DRC8: variants seen among roughly 807,000 people sequenced by gnomAD.
The protein encoded by DRC8 is dynein regulatory complex subunit 8.
the DRC8 span, among the ~76,000 whole-genome samples, chr1:245,051,630 A>T: frequency 6.6e-6 from 1 of 152,190 alleles, no homozygotes; most frequent in Admixed American, 6.5e-5. Flanking sequence ...CGGTTACAAG[A>T]TAAGCCATTT....
chr1:245,104,822 C>T, the DRC8 span, among the ~76,000 whole-genome samples: 1 of 152,218 alleles, frequency 6.6e-6, no homozygotes, highest in Non-Finnish European at 1.5e-5. Flanking sequence ...ATATGCAATA[C>T]TTTCAAATTT....
the DRC8 span, among the ~76,000 whole-genome samples, chr1:245,022,249 G>A: frequency 6.6e-6 from 1 of 151,102 alleles, no homozygotes; most frequent in Non-Finnish European, 1.5e-5. Context: ...GGGTTCAAGC[G>A]ATTCTCCTGC....
chr1:244,975,850 ACT>A, the DRC8 span, among the ~76,000 whole-genome samples: 1 of 151,992 alleles, frequency 6.6e-6, no homozygotes, highest in African/African-American at 2.4e-5. Context: ...ACAGGGTGAG[ACT>A]CTGTCTCAAA....
At chr1:245,000,952 T>A in the DRC8 span, among the ~76,000 whole-genome samples, 1 of 151,324 alleles carries the variant, frequency 6.6e-6, no homozygotes, top group Non-Finnish European at 1.5e-5. Context: ...GGAGGCTTGG[T>A]GGAGGAGACT....
the DRC8 span, among the ~76,000 whole-genome samples, chr1:245,112,262 T>TG: frequency 6.6e-6 from 1 of 152,104 alleles, no homozygotes; most frequent in Middle Eastern, 3.2e-3. Flanking sequence ...TTACTAGAGA[T>TG]GGGGTTTCTC....
At chr1:245,026,414 G>A in the DRC8 span, among the ~76,000 whole-genome samples, 1 of 152,204 alleles carries the variant, frequency 6.6e-6, no homozygotes. Flanking sequence ...CTGTTTTGAA[G>A]AGATATTAAA....
chr1:244,998,094 A>G, the DRC8 span, among the ~76,000 whole-genome samples: 13,846 of 152,046 alleles, frequency 0.091, 818 homozygotes, highest in African/African-American at 0.16. Flanking sequence ...ACATTTTACT[A>G]TCATGACTTT....
At chr1:245,014,529 G>A in the DRC8 span, among the ~76,000 whole-genome samples, 1 of 152,066 alleles carries the variant, frequency 6.6e-6, no homozygotes, top group African/African-American at 2.4e-5. Context: ...GTATTATTTT[G>A]GTACCATTAA....
At chr1:245,057,240 A>G in the DRC8 span, among the ~76,000 whole-genome samples, 2 of 152,358 alleles carry the variant, frequency 1.3e-5, no homozygotes, top group Admixed American at 1.3e-4. Context: ...GGTCAAGCTT[A>G]AAACATGTAA....
the DRC8 span, among the ~76,000 whole-genome samples, chr1:244,990,809 G>A: frequency 6.6e-6 from 1 of 151,670 alleles, no homozygotes. Flanking sequence ...CCTAATGTGG[G>A]TGGTGTTTTT....
At chr1:245,105,213 G>C in the DRC8 span, among the ~76,000 whole-genome samples, 1 of 152,056 alleles carries the variant, frequency 6.6e-6, no homozygotes, top group African/African-American at 2.4e-5. Flanking sequence ...ATAATGTCTG[G>C]ATTGTCTCTT....
the DRC8 span, among the ~76,000 whole-genome samples, chr1:244,984,850 C>CAAA: frequency 8.3e-3 from 1,149 of 138,912 alleles, 10 homozygotes; most frequent in African/African-American, 0.022. Context: ...ACCCCCCCTT[C>CAAA]AAAAAAAAAA....
chr1:244,971,513 T>G, the DRC8 span, among the ~76,000 whole-genome samples: 88,622 of 152,146 alleles, frequency 0.58, 26,560 homozygotes, highest in East Asian at 0.75. Flanking sequence ...CCTTAGGTAC[T>G]AAAAAATAAT....
the DRC8 span, among the ~76,000 whole-genome samples, chr1:245,076,102 G>A: frequency 5.9e-5 from 9 of 152,202 alleles, 1 homozygote; most frequent in African/African-American, 1.4e-4. Context: ...GGCGGCAGAG[G>A]CAAACTTCTG....
the DRC8 span, among the ~76,000 whole-genome samples, chr1:245,096,730 A>T: frequency 1.3e-5 from 2 of 152,246 alleles, no homozygotes; most frequent in African/African-American, 4.8e-5. Flanking sequence ...TTCTGCTGCC[A>T]ATACTGGGGG....
At chr1:245,074,785 TTAA>T in the DRC8 span, among the ~76,000 whole-genome samples, 1 of 152,216 alleles carries the variant, frequency 6.6e-6, no homozygotes, top group Admixed American at 6.5e-5. Context: ...TAGATGCCAA[TTAA>T]TTATTGTGAT....
At chr1:244,986,099 G>A in the DRC8 span, among the ~76,000 whole-genome samples, 1 of 151,632 alleles carries the variant, frequency 6.6e-6, no homozygotes, top group Non-Finnish European at 1.5e-5. Flanking sequence ...GGGATTACAG[G>A]CGTGTGCCAC....
the DRC8 span, among the ~76,000 whole-genome samples, chr1:245,048,170 A>C: frequency 4.4e-4 from 67 of 152,214 alleles, no homozygotes; most frequent in Middle Eastern, 0.01. Context: ...TGTTGTTCAC[A>C]CCATGTTGTT....
the DRC8 span, among the ~76,000 whole-genome samples, chr1:245,063,765 G>A: frequency 5.7e-3 from 861 of 152,184 alleles, 10 homozygotes; most frequent in African/African-American, 0.019. Context: ...TCTGTCGCCC[G>A]GGCTGGAGTG....
Sources: gnomAD v4.1 joint callset for allele counts (sites outside exome capture counted in the v4.1 genomes callset) on GRCh38, gnomAD v4.1.1 for gene constraint, MANE v1.5 for transcripts, NCBI Gene and HGNC (gene_info 2026-07-23, HGNC 2026-07-21) for gene names.